PHACTR4: variants seen among roughly 807,000 people sequenced by gnomAD.
The protein encoded by PHACTR4 is phosphatase and actin regulator 4.
PHACTR4 carries 51 observed loss-of-function variants against 72.7 expected under a neutral mutation model. That is an observed-to-expected ratio of 0.70 (90% CI 0.56 to 0.89). The LOEUF is 0.89. Ranked by LOEUF, PHACTR4 falls within the 40% of genes least tolerant of loss-of-function variation. The pLI is 0.00. For missense variants in PHACTR4, 731 were observed against 861.8 expected (o/e 0.85, Z 1.90); for synonymous variants, 255 against 302.5 (o/e 0.84, Z 1.63).
At chr1:28,475,455 C>T (rs1659859677) in intron 7 of PHACTR4, among the ~76,000 whole-genome samples, 1 of 152,064 alleles carries the variant, frequency 6.6e-6, no homozygotes. Context: ...CCACTCTTAG[C>T]TTATAGTAGT....
At chr1:28,373,707 T>C (rs2124096686) in intron 1 of PHACTR4, among the ~76,000 whole-genome samples, 1 of 152,332 alleles carries the variant, frequency 6.6e-6, no homozygotes, top group South Asian at 2.1e-4. Context: ...ATTACAGGCA[T>C]GAGTCACCAT....
intron 1 of PHACTR4, among the ~76,000 whole-genome samples, chr1:28,406,943 T>C (rs1557792831): frequency 2.0e-5 from 3 of 152,186 alleles, no homozygotes; most frequent in East Asian, 3.8e-4. Context: ...CCTCATGCCC[T>C]TTCTCAGGTG....
At chr1:28,443,327 G>A (rs949555871) in intron 2 of PHACTR4, among the ~76,000 whole-genome samples, 5 of 151,166 alleles carry the variant, frequency 3.3e-5, no homozygotes, top group Non-Finnish European at 7.4e-5. Flanking sequence ...TGTCACCGAG[G>A]CTGGAGTGCA....
At position 28,476,306 on chromosome 1, in the gene PHACTR4, G is replaced by T; in HGVS notation, c.1606+15G>T. On this transcript the variant is annotated intron_variant, in intron 8 of 13. Coordinates refer to ENST00000373839, the MANE Select transcript of PHACTR4 (RefSeq NM_001048183.3). ...AAGCTATCAGAGTAAGAAAGGGAGG[G>T]AAAAGCAAAACAGAGAATTCTTTTC... 6.4e-7 allele frequency: 1 copy of T among 1,574,192 alleles called. No homozygotes were observed. The highest frequency in any genetic ancestry group is 8.6e-7 in the Non-Finnish European group (1 of 1,165,260).
chr1:28,448,879 G>C (rs1025227749), intron 2 of PHACTR4, among the ~76,000 whole-genome samples: 1 of 144,804 alleles, frequency 6.9e-6, no homozygotes, highest in Admixed American at 7.0e-5. Flanking sequence ...CGGGGGTGGG[G>C]GGACAAGGCA....
At chr1:28,399,386 A>G (rs1270866497) in intron 1 of PHACTR4, among the ~76,000 whole-genome samples, 1 of 152,200 alleles carries the variant, frequency 6.6e-6, no homozygotes, top group Admixed American at 6.5e-5. Context: ...TGAGTTTAGT[A>G]TGTCTCTACT....
chr1:28,407,188 G>C (rs553633036), intron 1 of PHACTR4, among the ~76,000 whole-genome samples: 1 of 150,574 alleles, frequency 6.6e-6, no homozygotes, highest in African/African-American at 2.4e-5. Context: ...GCTGACATGG[G>C]AGGCTCACTT....
intron 1 of PHACTR4, among the ~76,000 whole-genome samples, chr1:28,401,582 C>T (rs1653949870): frequency 6.6e-6 from 1 of 152,046 alleles, no homozygotes; most frequent in Admixed American, 6.6e-5. Context: ...GCTAGGAGTA[C>T]AGGCATGAGC....
At chr1:28,392,530 G>C (rs1218892494) in intron 1 of PHACTR4, among the ~76,000 whole-genome samples, 1 of 151,588 alleles carries the variant, frequency 6.6e-6, no homozygotes, top group Non-Finnish European at 1.5e-5. Context: ...AGCCTCCAGA[G>C]TAGCTGGGAT....
At chr1:28,381,283 G>T (rs1389102120) in intron 1 of PHACTR4, among the ~76,000 whole-genome samples, 1 of 126,968 alleles carries the variant, frequency 7.9e-6, no homozygotes, top group African/African-American at 3.0e-5. Context: ...GATTACAGCC[G>T]TGAGCCACTG....
chr1:28,490,222 A>T (rs1478696170), intron 10 of PHACTR4, among the ~76,000 whole-genome samples: 2 of 152,182 alleles, frequency 1.3e-5, no homozygotes, highest in Admixed American at 6.5e-5. Flanking sequence ...TATCGTTGAC[A>T]AGAAAATTGT....
intron 2 of PHACTR4, among the ~76,000 whole-genome samples, chr1:28,439,506 C>G (rs1384364715): frequency 6.6e-6 from 1 of 152,088 alleles, no homozygotes; most frequent in African/African-American, 2.4e-5. Flanking sequence ...GTGAGTCATT[C>G]AGCAACAGAT....
intron 2 of PHACTR4, among the ~76,000 whole-genome samples, chr1:28,452,262 T>G (rs1569998234): frequency 6.6e-6 from 1 of 150,918 alleles, no homozygotes; most frequent in African/African-American, 2.4e-5. Context: ...TCCCAGCACT[T>G]TGGGAATCTG....
At chr1:28,427,230 A>G (rs1398795425) in intron 2 of PHACTR4, among the ~76,000 whole-genome samples, 1 of 152,202 alleles carries the variant, frequency 6.6e-6, no homozygotes, top group Non-Finnish European at 1.5e-5. Flanking sequence ...AGAACCAATA[A>G]CAGTATAATA....
In PHACTR4 at chr1:28,476,100, T is replaced by C; in HGVS notation, c.1422-7T>C. The C allele has an allele frequency of 6.3e-7, 1 of 1,584,070 alleles. No individual in the cohort carries two copies. Among genetic ancestry groups the C allele is most frequent in the Non-Finnish European group, 8.5e-7 (1 of 1,171,506 alleles). On this transcript the variant is annotated splice_polypyrimidine_tract_variant and splice_region_variant and intron_variant, in intron 7 of 13. Transcript: ENST00000373839. ...AAAAGGAAAATATAATTATGTTAAT[T>C]TGTTAGTCCAGACGATGAAGAAGAA...
At chr1:28,378,051 T>C (rs1166461884) in intron 1 of PHACTR4, among the ~76,000 whole-genome samples, 4 of 147,222 alleles carry the variant, frequency 2.7e-5, no homozygotes, top group African/African-American at 7.6e-5. Context: ...CAAAAAATTA[T>C]CCGGGCATGG....
chr1:28,448,576 T>C (rs111952709), intron 2 of PHACTR4, among the ~76,000 whole-genome samples: 50,482 of 126,416 alleles, frequency 0.4, 11,137 homozygotes, highest in African/African-American at 0.62. Flanking sequence ...CACAGTGAAA[T>C]CCCATCTCTA....
chr1:28,466,432 G>A lies in PHACTR4; in HGVS notation c.487G>A (p.Val163Ile), dbSNP rs753216368. Residue 163 changes from valine (V) to isoleucine (I), a missense_variant, in exon 6 of 14, where the codon GTA becomes ATA. Physicochemically the swap from Val to Ile is conservative, Grantham distance 29. Transcript: ENST00000373839. ...TGAAGCAGAGTCTGTTCCTGAGAAT[G>A]TACCCAAACCACCTTTACTTCCTCC... ...NSEAESVPEN[V>I]PKPPLLPPKR... 10 of 1,614,060 alleles carry A rather than the reference G, an allele frequency of 6.2e-6. No homozygotes were observed. The highest frequency in any genetic ancestry group is 5.0e-5 in the Admixed American group (3 of 60,010).
intron 2 of PHACTR4, among the ~76,000 whole-genome samples, chr1:28,445,018 C>T (rs999392951): frequency 7.9e-5 from 12 of 151,436 alleles, no homozygotes; most frequent in Admixed American, 6.6e-5. Flanking sequence ...TGCAGTGGCA[C>T]GATTTCAGCT....
Sources: allele counts gnomAD v4.1 joint callset (sites outside exome capture counted in the v4.1 genomes callset), GRCh38; gene constraint gnomAD v4.1.1; transcripts MANE v1.5; gene names NCBI Gene and HGNC (gene_info 2026-07-23, HGNC 2026-07-21).